The following PLEKHA6 variants were observed in gnomAD, a reference collection of about 807,000 sequenced individuals.
PLEKHA6 encodes pleckstrin homology domain-containing family A member 6.
Under a neutral mutation model 116.7 loss-of-function variants are expected in PLEKHA6, and 60 were observed. The observed-to-expected ratio is 0.51, with a 90% confidence interval of 0.42 to 0.64. The LOEUF (loss-of-function observed/expected upper bound fraction) is 0.64. Ranked by LOEUF, PLEKHA6 falls within the 30% of genes least tolerant of loss-of-function variation. PLEKHA6 has a pLI of 0.00. For missense variants in PLEKHA6, 1,338 were observed against 1,422.7 expected, an observed-to-expected ratio of 0.94 and a Z score of 0.96; for synonymous variants, 489 against 556.1, an observed-to-expected ratio of 0.88 and a Z score of 1.70.
chr1:204,325,441 C>T (rs1281863518), intron 1 of PLEKHA6, among the ~76,000 whole-genome samples: 1 of 152,142 alleles, frequency 6.6e-6, no homozygotes, highest in Admixed American at 6.5e-5. Flanking sequence ...ATTGGTTGTC[C>T]TACCAAAGAA....
At chr1:204,290,687 T>G (rs556986089) in intron 1 of PLEKHA6, among the ~76,000 whole-genome samples, 1 of 152,302 alleles carries the variant, frequency 6.6e-6, no homozygotes, top group East Asian at 1.9e-4. Context: ...TTAAGTTTGC[T>G]CTTCAAAAGA....
At position 204,259,528 on chromosome 1, in the gene PLEKHA6, G is replaced by A; in HGVS notation, c.737C>T (p.Ala246Val). 4 of 1,614,092 alleles carry A rather than the reference G, an allele frequency of 2.5e-6. No homozygotes were observed. The highest frequency in any genetic ancestry group is 1.1e-5 in the South Asian group (1 of 91,088). The change falls in exon 8 of 23, where the codon GCC becomes GTC. Residue 246 changes from alanine (A) to valine (V), a missense_variant. This residue lies in a region of PLEKHA6 where 1,136 missense variants were observed against 1,163.6 expected (regional missense o/e 0.98). Transcript: ENST00000272203. This position sits in a 1 kb window ranked among gnomAD's most constrained non-coding sequence, Gnocchi z 4.6. ...GGGGTAAGGGCTGCCCGGCTCTGAG[G>A]CTGGCTCCGGTCCAGCTGGGAGGCC... ...ANGLPAGPEP[A>V]SEPGSPYPEG...
chr1:204,241,610 G>A, intron 16 of PLEKHA6, 75 bp downstream of exon 16: 1 of 1,482,514 alleles, frequency 6.7e-7, no homozygotes. Context: ...CCAGGTTTTG[G>A]GTGTGAATGA....
chr1:204,305,518 A>G (rs911123575), intron 1 of PLEKHA6, among the ~76,000 whole-genome samples: 4 of 152,110 alleles, frequency 2.6e-5, no homozygotes, highest in African/African-American at 9.7e-5. Flanking sequence ...ATCTCTCTAT[A>G]CTCAAAATCT....
At chr1:204,311,155 C>G (rs1671643963) in intron 1 of PLEKHA6, among the ~76,000 whole-genome samples, 2 of 152,206 alleles carry the variant, frequency 1.3e-5, no homozygotes, top group African/African-American at 4.8e-5. Flanking sequence ...GCAGAGACAG[C>G]ACACTCACTA....
chr1:204,283,025 C>T (rs865841184), intron 1 of PLEKHA6, among the ~76,000 whole-genome samples: 9 of 152,202 alleles, frequency 5.9e-5, no homozygotes, highest in Non-Finnish European at 8.8e-5. Flanking sequence ...ACCGCCCCGC[C>T]GCCTTCCAGC....
intron 1 of PLEKHA6, among the ~76,000 whole-genome samples, chr1:204,373,089 T>TC (rs1263415585): frequency 4.1e-5 from 6 of 144,820 alleles, no homozygotes; most frequent in African/African-American, 7.7e-5. Context: ...TTTCTTTCTT[T>TC]TTTTTTTTTT....
intron 1 of PLEKHA6, chr1:204,299,550 A>G: frequency 1.2e-6 from 1 of 854,074 alleles, no homozygotes; most frequent in Non-Finnish European, 1.4e-6. Flanking sequence ...GCAGCCAGCA[A>G]GCTGACACAG....
At chr1:204,352,943 C>T (rs992453300) in intron 1 of PLEKHA6, among the ~76,000 whole-genome samples, 1 of 152,178 alleles carries the variant, frequency 6.6e-6, no homozygotes, top group Admixed American at 6.5e-5. Flanking sequence ...TATGATCATG[C>T]CACTGCATTC....
In PLEKHA6 at chr1:204,287,152, A is replaced by G. The variant is rs1669279347; in HGVS notation, c.-94-12343T>C. ...CATCGAATCTCTTTCCTCCCAAGAA[A>G]GAGGCAAGGGAACAAAAGGGCTCCT... On this transcript the variant is annotated intron_variant, in intron 1 of 22. Transcript: ENST00000272203. Among the ~76,000 whole-genome samples, 4 of 152,146 alleles carry G rather than the reference A, an allele frequency of 2.6e-5. No individual in the cohort carries two copies. In the South Asian group the frequency reaches 8.3e-4, roughly 32 times the overall value.
chr1:204,292,473 C>G (rs1019149152), intron 1 of PLEKHA6, among the ~76,000 whole-genome samples: 1 of 151,998 alleles, frequency 6.6e-6, no homozygotes, highest in Non-Finnish European at 1.5e-5. Context: ...GTCCCTCACC[C>G]GGGCACTATG....
chr1:204,364,202 ACT>A (rs1185822710), upstream of PLEKHA6, among the ~76,000 whole-genome samples: 2 of 152,326 alleles, frequency 1.3e-5, no homozygotes, highest in East Asian at 3.9e-4. Flanking sequence ...TGAGTTTCTA[ACT>A]CATCCACCAA....
rs1403035725 is a variant in PLEKHA6, at chr1:204,240,342, G to T, written c.2409+1033C>A. 2.0e-5 allele frequency among the ~76,000 whole-genome samples: 3 copies of T among 152,212 alleles called. No homozygotes were observed. In the South Asian group the frequency reaches 6.2e-4, roughly 32 times the overall value. ...ATGACCTGCTGAGGTGCTTGCTGAA[G>T]GCAAAGTGAATACAGAATGGATAGC... On this transcript the variant is annotated intron_variant, in intron 17 of 22. Coordinates refer to ENST00000272203, the MANE Select transcript of PLEKHA6 (RefSeq NM_014935.5).
intron 15 of PLEKHA6, among the ~76,000 whole-genome samples, chr1:204,242,364 A>G (rs1379553831): frequency 6.6e-6 from 1 of 152,206 alleles, no homozygotes; most frequent in African/African-American, 2.4e-5. Context: ...AGACCAGGCT[A>G]AAGGTCAGCA....
chr1:204,364,511 C>T (rs1673615585), upstream of PLEKHA6, among the ~76,000 whole-genome samples: 1 of 152,180 alleles, frequency 6.6e-6, no homozygotes, highest in Non-Finnish European at 1.5e-5. Context: ...ATGATAGAAC[C>T]TCCTCATAAA....
At chr1:204,305,114 T>C (rs1437153561) in intron 1 of PLEKHA6, among the ~76,000 whole-genome samples, 2 of 152,174 alleles carry the variant, frequency 1.3e-5, no homozygotes, top group African/African-American at 2.4e-5. Flanking sequence ...GAGCATCAAA[T>C]TGGCAACGTA....
chr1:204,298,381 T>C (rs1339801045), intron 1 of PLEKHA6, among the ~76,000 whole-genome samples: 1 of 152,166 alleles, frequency 6.6e-6, no homozygotes, highest in Non-Finnish European at 1.5e-5. Flanking sequence ...AATGGAACAA[T>C]CAAACCATTT....
intron 1 of PLEKHA6, among the ~76,000 whole-genome samples, chr1:204,373,690 C>T (rs916668744): frequency 2.0e-5 from 3 of 152,196 alleles, no homozygotes; most frequent in Admixed American, 6.5e-5. Flanking sequence ...CTACTATGAA[C>T]ATTTGTGTAC....
intron 21 of PLEKHA6, among the ~76,000 whole-genome samples, chr1:204,224,531 C>A (rs980318233): frequency 1.3e-5 from 2 of 151,880 alleles, no homozygotes; most frequent in African/African-American, 2.4e-5. Context: ...CCTTCCCTGC[C>A]GTCTGTGCAA....
Sources: gnomAD v4.1 joint callset for allele counts (sites outside exome capture counted in the v4.1 genomes callset) on GRCh38, gnomAD v4.1.1 for gene constraint, gnomAD v4.1.1 regional missense constraint, Gnocchi (gnomAD v3.1) non-coding constraint, MANE v1.5 for transcripts, NCBI Gene and HGNC (gene_info 2026-07-23, HGNC 2026-07-21) for gene names.